CACUL1: variants seen among roughly 807,000 people sequenced by gnomAD.
The protein encoded by CACUL1 is CDK2-associated and cullin domain-containing protein 1.
In CACUL1, 13 loss-of-function variants were observed where a neutral mutation model predicts 45.2. That is an observed-to-expected ratio of 0.29 (90% confidence interval 0.19 to 0.46). The LOEUF is 0.46. Among genes scored for constraint, CACUL1 ranks in the 20% least tolerant of loss-of-function variants. The probability of loss-of-function intolerance (pLI) is 1.00; values close to 1 mark genes in which losing one functional copy is unlikely to be tolerated. For missense variants in CACUL1, 421 were observed against 471.4 expected, an observed-to-expected ratio of 0.89 and a Z score of 0.99; for synonymous variants, 197 against 174.2, an observed-to-expected ratio of 1.13 and a Z score of -1.03.
Position 118,676,797 on chromosome 10 carries a change from CAT to C in CACUL1, c.*9329_*9330del, listed in dbSNP as rs1439708879. 9.2e-5 allele frequency: 14 copies of C among 151,676 alleles called. No homozygotes were observed. Among genetic ancestry groups the C allele is most frequent in the South Asian group, 8.4e-4 (4 of 4,790 alleles). 9.4% of individuals were successfully genotyped at this position (151,676 alleles called of 1,614,324 possible). On this transcript the variant is annotated 3_prime_UTR_variant, in exon 9 of 9. Transcript: ENST00000369151. The stretch of plus-strand genomic sequence containing the variant: ...ACTTTTGCTTTATATGTATTGGTAA[CAT>C]ATGTTCAAATTTAAACATTTTAAAA...
chr10:118,746,171 T>C (rs1589620649), intron 1 of CACUL1, among the ~76,000 whole-genome samples: 1 of 126,220 alleles, frequency 7.9e-6, no homozygotes. Flanking sequence ...AAAAAAGGAG[T>C]CTTTAGGGTA....
At chr10:118,722,336 G>A (rs555115061) in intron 3 of CACUL1, among the ~76,000 whole-genome samples, 8 of 151,944 alleles carry the variant, frequency 5.3e-5, no homozygotes, top group Non-Finnish European at 8.8e-5. Context: ...GATCTTGCCC[G>A]CCTCAGCCTC....
chr10:118,717,276 G>A (rs566401965), intron 3 of CACUL1, among the ~76,000 whole-genome samples: 8 of 152,320 alleles, frequency 5.3e-5, no homozygotes, highest in Admixed American at 6.5e-5. Context: ...ATTTACTGCA[G>A]GACAATTTAG....
intron 1 of CACUL1, among the ~76,000 whole-genome samples, chr10:118,751,730 A>G (rs938260450): frequency 5.3e-5 from 8 of 152,332 alleles, no homozygotes; most frequent in Admixed American, 2.6e-4. Flanking sequence ...TGAGTTTGTC[A>G]AACCAAATGT....
rs1410649161 is a variant in CACUL1, at chr10:118,686,006, T to C, written c.*122A>G. ...ACCAAGTAAGAAGTCCAACATCCTC[T>C]TCCATGAACAGCTTTGTGACAGAGC... On this transcript the variant is annotated 3_prime_UTR_variant, in exon 9 of 9. Coordinates refer to ENST00000369151, the MANE Select transcript of CACUL1 (RefSeq NM_153810.5). 3 of 558,840 alleles carry C rather than the reference T, an allele frequency of 5.4e-6. No individual in the cohort carries two copies. Among genetic ancestry groups the C allele is most frequent in the African/African-American group, 3.8e-5 (2 of 52,682 alleles). The allele number at this position is 558,840 out of a possible 1,614,324, so 34.6% of individuals were successfully genotyped here. A position where few individuals can be genotyped will look rare whatever the true frequency, so the allele number is the denominator to read the frequency against.
rs368608941 is a variant in CACUL1 at position 118,754,388 on chromosome 10, G to A, written c.367+8C>T. On this transcript the variant is annotated splice_region_variant and intron_variant, in intron 1 of 8. Transcript: ENST00000369151. ...AAAGCCAAGGCTGCAGGGAAAGGCT[G>A]GACTCACAGAACTTGGAGGTGGAGG... The A allele has an allele frequency of 3.1e-5, 47 of 1,539,444 alleles. No homozygotes were observed. Among genetic ancestry groups the A allele is most frequent in the Non-Finnish European group, 4.1e-5 (47 of 1,142,556 alleles).
intron 1 of CACUL1, among the ~76,000 whole-genome samples, chr10:118,732,845 C>A (rs1435190527): frequency 3.3e-5 from 5 of 152,130 alleles, no homozygotes; most frequent in Admixed American, 6.6e-5. Context: ...TTTATGTAAT[C>A]CTTAGGATTC....
rs991192616 is a variant in CACUL1, at chr10:118,678,573, T to C, written c.*7555A>G. The C allele has an allele frequency of 6.6e-6, 1 of 152,252 alleles. No homozygotes were observed. Among genetic ancestry groups the C allele is most frequent in the African/African-American group, 2.4e-5 (1 of 41,470 alleles). 9.4% of individuals were successfully genotyped at this position (152,252 alleles called of 1,614,324 possible). On this transcript the variant is annotated 3_prime_UTR_variant, in exon 9 of 9. Transcript: ENST00000369151. The stretch of plus-strand genomic sequence containing the variant: ...AGAAAAAGTTGAGATTTAGATAATA[T>C]TGAGTGTTATCCCTTATATTCTCTA...
chr10:118,741,387 G>C (rs1286218258), intron 1 of CACUL1, among the ~76,000 whole-genome samples: 1 of 152,030 alleles, frequency 6.6e-6, no homozygotes, highest in African/African-American at 2.4e-5. Flanking sequence ...CACAGGAAAT[G>C]AGAAAATGCA....
chr10:118,686,672 T>G, intron 7 of CACUL1, 31 bp from the exon 8 acceptor site: 1 of 1,539,662 alleles, frequency 6.5e-7, no homozygotes, highest in Non-Finnish European at 9.0e-7. Context: ...TCAACAAAAC[T>G]GACTTCACAT....
At chr10:118,750,250 C>A (rs562129548) in intron 1 of CACUL1, among the ~76,000 whole-genome samples, 1 of 151,900 alleles carries the variant, frequency 6.6e-6, no homozygotes, top group Non-Finnish European at 1.5e-5. Context: ...TGCTTGAATC[C>A]GGGAGGCGGA....
chr10:118,701,481 A>G, intron 4 of CACUL1, 73 bp from the exon 5 acceptor site: 1 of 762,988 alleles, frequency 1.3e-6, no homozygotes. Flanking sequence ...TGGAGCACTA[A>G]ATATTTTAGA....
intron 1 of CACUL1, among the ~76,000 whole-genome samples, chr10:118,747,636 G>A (rs916298181): frequency 2.0e-5 from 3 of 149,122 alleles, no homozygotes; most frequent in Admixed American, 6.7e-5. Flanking sequence ...ATGCGAGAAC[G>A]TGGAAGAATC....
At chr10:118,702,675 C>T (rs957428294) in intron 4 of CACUL1, among the ~76,000 whole-genome samples, 2 of 151,544 alleles carry the variant, frequency 1.3e-5, no homozygotes, top group African/African-American at 2.4e-5. Flanking sequence ...TCTGCTTCCC[C>T]GGTTCAAATG....
intron 3 of CACUL1, among the ~76,000 whole-genome samples, chr10:118,712,886 AGTTCCCACTCCAGTCT>A (rs1845503100): frequency 6.6e-6 from 1 of 152,222 alleles, no homozygotes; most frequent in African/African-American, 2.4e-5. Context: ...AGGCACCACA[AGTTCCCACTCCAGTCT>A]GTAGGACTGG....
In CACUL1 at chr10:118,743,194, G is replaced by GAA. The variant is rs925217006; in HGVS notation, c.367+11200_367+11201dup. The stretch of plus-strand genomic sequence containing the variant: ...AAACTAAAGCACAGAGAGTAAAAAA[G>GAA]AAAAAAAAAATCTTTAAAAAAATGA... On this transcript the variant is annotated intron_variant, in intron 1 of 8. Transcript: ENST00000369151. Among the ~76,000 whole-genome samples the GAA allele has an allele frequency of 4.8e-5, 7 of 147,190 alleles. No homozygotes were observed. The East Asian group carries it at 9.8e-4, about 21-fold the overall frequency.
At chr10:118,688,571 C>T (rs1278260251) in intron 7 of CACUL1, among the ~76,000 whole-genome samples, 1 of 152,074 alleles carries the variant, frequency 6.6e-6, no homozygotes, top group Non-Finnish European at 1.5e-5. Flanking sequence ...AGATTAAGTC[C>T]GGAACGCTCT....
At chr10:118,747,629 C>T (rs1080890) in intron 1 of CACUL1, among the ~76,000 whole-genome samples, 4,433 of 148,094 alleles carry the variant, frequency 0.03, 229 homozygotes, top group East Asian at 0.19. Flanking sequence ...CTGACATATG[C>T]GAGAACGTGG....
chr10:118,707,545 G>T lies in CACUL1; in HGVS notation c.640C>A (p.Leu214Ile). ...TGCAATGCTCCCATATATTGTCCAA[G>T]AGCTATATTAAATCTTTCAATATAG... is the stretch of plus-strand genomic sequence containing the variant. ...DLYIERFNIA[L>I]GQYMGALQSI... The change falls in exon 4 of 9, where the codon CTT becomes ATT. Residue 214 changes from leucine (L) to isoleucine (I), a missense_variant. Physicochemically the swap from Leu to Ile is conservative, Grantham distance 5 (BLOSUM62 2). Around this residue, in one of 2 missense-constraint regions of CACUL1, gnomAD observed 208 missense variants for 298.4 expected, o/e 0.70. Transcript: ENST00000369151. The T allele has an allele frequency of 6.3e-7, 1 of 1,589,412 alleles. No homozygotes were observed.
Sources: gnomAD v4.1 joint callset for allele counts (sites outside exome capture counted in the v4.1 genomes callset) on GRCh38, gnomAD v4.1.1 for gene constraint, gnomAD v4.1.1 regional missense constraint, MANE v1.5 for transcripts, NCBI Gene and HGNC (gene_info 2026-07-23, HGNC 2026-07-21) for gene names.